MAD1L1: variants seen among roughly 807,000 people sequenced by gnomAD.
The protein encoded by MAD1L1 is mitotic spindle assembly checkpoint protein MAD1.
Under a neutral mutation model 96.9 loss-of-function variants are expected in MAD1L1, and 95 were observed. The observed-to-expected ratio is 0.98, with a 90% CI of 0.83 to 1.16. The LOEUF is 1.16. MAD1L1 is among the 50% of genes most tolerant of loss of function. The pLI, the probability that MAD1L1 is intolerant of heterozygous loss-of-function variation, is 0.00. For synonymous variants in MAD1L1, 473 were observed against 396.6 expected, an observed-to-expected ratio of 1.19 and a Z score of -2.29; for missense variants, 1,007 against 954.4, an observed-to-expected ratio of 1.06 and a Z score of -0.73.
chr7:2,132,449 G>A (rs919685104), intron 11 of MAD1L1, among the ~76,000 whole-genome samples: 1 of 151,106 alleles, frequency 6.6e-6, no homozygotes, highest in African/African-American at 2.4e-5. Flanking sequence ...CACCATCACG[G>A]CCGCGTGCAG....
At chr7:1,836,970 A>T (rs376281181) in intron 18 of MAD1L1, among the ~76,000 whole-genome samples, 9 of 152,250 alleles carry the variant, frequency 5.9e-5, no homozygotes, top group Admixed American at 3.9e-4. Context: ...GGTAAGTTAG[A>T]CTTAATCAAA....
intron 12 of MAD1L1, among the ~76,000 whole-genome samples, chr7:2,054,715 C>G (rs562849248): frequency 6.6e-6 from 1 of 152,340 alleles, no homozygotes; most frequent in South Asian, 2.1e-4. Context: ...AGAGCAAACA[C>G]GACCCTGGAA....
intron 18 of MAD1L1, among the ~76,000 whole-genome samples, chr7:1,873,326 G>A (rs974828105): frequency 6.6e-6 from 1 of 152,202 alleles, no homozygotes; most frequent in African/African-American, 2.4e-5. Context: ...GAGAGCGCCA[G>A]CCCTAAATGG....
At chr7:1,944,774 G>A (rs1047253584) in intron 16 of MAD1L1, among the ~76,000 whole-genome samples, 1 of 152,208 alleles carries the variant, frequency 6.6e-6, no homozygotes, top group Non-Finnish European at 1.5e-5. Context: ...ACCAAGTGCA[G>A]TGACCACAGT....
intron 17 of MAD1L1, among the ~76,000 whole-genome samples, chr7:1,916,541 G>A (rs906964502): frequency 8.5e-5 from 13 of 152,190 alleles, no homozygotes; most frequent in Non-Finnish European, 1.5e-4. Context: ...CGGGGGAGGC[G>A]GGGACACACG....
At chr7:1,849,986 A>G (rs10247428) in intron 18 of MAD1L1, 97,046 of 152,158 alleles carry the variant, frequency 0.64, 31,208 homozygotes, top group South Asian at 0.79. Context: ...ACCTTCCTCC[A>G]AGGAAGAAAC....
rs531225969 is a variant in MAD1L1, at chr7:2,018,200, C to T, written c.1219-3558G>A. On this transcript the variant is annotated intron_variant, in intron 12 of 18. Coordinates refer to ENST00000265854, the MANE Select transcript of MAD1L1 (RefSeq NM_001013836.2). ...AACGAAGCCCACATCCTGCCTGGAC[C>T]GTAACTAGATGTGTGACCTTGGGAA... Among the ~76,000 whole-genome samples, 18 of 152,242 alleles carry T rather than the reference C, an allele frequency of 1.2e-4. No homozygotes were observed. The East Asian group carries it at 3.5e-3, about 29-fold the overall frequency.
intron 16 of MAD1L1, among the ~76,000 whole-genome samples, chr7:1,949,948 T>A (rs1779411397): frequency 6.6e-6 from 1 of 152,136 alleles, no homozygotes; most frequent in African/African-American, 2.4e-5. Context: ...TTGAGTTTGG[T>A]TTTCTACCCC....
chr7:2,059,429 G>A (rs1166904984), intron 12 of MAD1L1, among the ~76,000 whole-genome samples: 1 of 151,126 alleles, frequency 6.6e-6, no homozygotes, highest in Non-Finnish European at 1.5e-5. Context: ...GAGGCACGGG[G>A]TTGGAGAGGC....
intron 18 of MAD1L1, among the ~76,000 whole-genome samples, chr7:1,864,269 G>C (rs1784668463): frequency 6.6e-6 from 1 of 152,182 alleles, no homozygotes; most frequent in African/African-American, 2.4e-5. Flanking sequence ...AGGAGGAGGG[G>C]AGGCGGCTGC....
chr7:2,170,369 G>A (rs1042347931), intron 10 of MAD1L1, among the ~76,000 whole-genome samples: 2 of 152,226 alleles, frequency 1.3e-5, no homozygotes, highest in Non-Finnish European at 2.9e-5. Context: ...CTAAGTGTTC[G>A]GGGCTGGAGT....
At position 2,060,812 on chromosome 7, in the gene MAD1L1, G is replaced by T. The variant is rs1163272121; in HGVS notation, c.1218+8382C>A. Among the ~76,000 whole-genome samples the T allele has an allele frequency of 3.3e-5, 5 of 152,214 alleles. 1 individual carries two copies. Among genetic ancestry groups the T allele is most frequent in the Admixed American group, 3.3e-4 (5 of 15,280 alleles). On this transcript the variant is annotated intron_variant, in intron 12 of 18. Coordinates refer to ENST00000265854, the MANE Select transcript of MAD1L1 (RefSeq NM_001013836.2). ...AAGGTAAACAATAAAGTGTTTAGAAGAAAACCACTGAGTATCTTCACAACT... is the reference window on the plus strand; with the variant it reads ...AAGGTAAACAATAAAGTGTTTAGAATAAAACCACTGAGTATCTTCACAACT...
Position 1,895,211 on chromosome 7 carries a change from G to A in MAD1L1, c.1998+2989C>T, listed in dbSNP as rs912588876. Reference sequence around the variant, plus strand: ...CAAGTTGGCAGCTTCTTCCTGCGGGGACTTCACTGCTCAGAAATGAAACCG... The same window carrying A: ...CAAGTTGGCAGCTTCTTCCTGCGGGAACTTCACTGCTCAGAAATGAAACCG... On this transcript the variant is annotated intron_variant, in intron 18 of 18. Transcript: ENST00000265854. 9.2e-5 allele frequency among the ~76,000 whole-genome samples: 14 copies of A among 152,196 alleles called. 1 individual carries two copies. Among genetic ancestry groups the A allele is most frequent in the Admixed American group, 8.5e-4 (13 of 15,282 alleles).
At chr7:1,922,186 G>A (rs762394129) in intron 17 of MAD1L1, among the ~76,000 whole-genome samples, 8 of 152,188 alleles carry the variant, frequency 5.3e-5, no homozygotes, top group African/African-American at 1.2e-4. Flanking sequence ...GCCCAGCGGC[G>A]AGCGCCCTGC....
chr7:1,879,003 A>T (rs1488729066), intron 18 of MAD1L1, among the ~76,000 whole-genome samples: 1 of 152,238 alleles, frequency 6.6e-6, no homozygotes, highest in Non-Finnish European at 1.5e-5. Context: ...GGAAAATAAA[A>T]ATTTTAAAGC....
intron 18 of MAD1L1, among the ~76,000 whole-genome samples, chr7:1,887,468 T>C (rs932870836): frequency 2.7e-5 from 4 of 150,692 alleles, no homozygotes; most frequent in Non-Finnish European, 5.9e-5. Context: ...CACATGTGCA[T>C]GCATGTGGCT....
chr7:2,220,022 C>A (rs1263128187), intron 5 of MAD1L1, among the ~76,000 whole-genome samples: 1 of 152,236 alleles, frequency 6.6e-6, no homozygotes, highest in African/African-American at 2.4e-5. Flanking sequence ...GCCACACCAT[C>A]ACTTCGGTCT....
At chr7:2,215,686 C>A (rs1373170445) in intron 9 of MAD1L1, among the ~76,000 whole-genome samples, 199 bp downstream of exon 9, 2 of 152,182 alleles carry the variant, frequency 1.3e-5, no homozygotes, top group East Asian at 3.9e-4. Flanking sequence ...CCTCATTCGC[C>A]CTGCCAGGGA....
Position 2,146,997 on chromosome 7 carries a change from TG to T in MAD1L1, c.1073+2154del, listed in dbSNP as rs1584426631. On this transcript the variant is annotated intron_variant, in intron 11 of 18. Coordinates refer to ENST00000265854, the MANE Select transcript of MAD1L1 (RefSeq NM_001013836.2). The surrounding 1 kb of genome is among the most constrained non-coding windows in gnomAD (Gnocchi z 6.2). ...CCTGTCCTAGGGTCTGCCTCCTTCC[TG>T]GGCCTTGGAAGTGCACAAAAGGGCC... Among the ~76,000 whole-genome samples, 1 of 152,164 alleles carries T rather than the reference TG, an allele frequency of 6.6e-6. No individual in the cohort carries two copies. Among genetic ancestry groups the T allele is most frequent in the Non-Finnish European group, 1.5e-5 (1 of 68,028 alleles).
Sources: gnomAD v4.1 joint callset for allele counts (sites outside exome capture counted in the v4.1 genomes callset) on GRCh38, gnomAD v4.1.1 for gene constraint, Gnocchi (gnomAD v3.1) non-coding constraint, MANE v1.5 for transcripts, NCBI Gene and HGNC (gene_info 2026-07-23, HGNC 2026-07-21) for gene names.